SLIT3: variants seen among roughly 807,000 people sequenced by gnomAD.
The protein encoded by SLIT3 is slit guidance ligand 3.
In SLIT3, 68 loss-of-function variants were observed where a neutral mutation model predicts 184.0. That is an observed-to-expected ratio of 0.37 (90% CI 0.30 to 0.45). The LOEUF (loss-of-function observed/expected upper bound fraction) is 0.45, where lower values mean the gene tolerates loss of function less well. SLIT3 is among the 20% of genes least tolerant of loss of function. SLIT3 has a pLI of 1.00. For missense variants in SLIT3, 1,707 were observed against 2,026.0 expected (o/e 0.84, Z 3.02); for synonymous variants, 831 against 828.6 (o/e 1.00, Z -0.05).
intron 4 of SLIT3, among the ~76,000 whole-genome samples, chr5:169,118,889 T>G (rs968265012): frequency 7.9e-5 from 12 of 152,342 alleles, no homozygotes; most frequent in Admixed American, 5.9e-4. Flanking sequence ...ACATAATTTT[T>G]AATTTTTTTT....
At chr5:169,275,806 T>C (rs1268633687) in intron 1 of SLIT3, among the ~76,000 whole-genome samples, 2 of 151,948 alleles carry the variant, frequency 1.3e-5, no homozygotes, top group African/African-American at 4.8e-5. Context: ...ACAATTGAAG[T>C]TGAGATTTGA....
intron 23 of SLIT3, chr5:168,720,979 G>C (rs904611686): frequency 6.6e-6 from 1 of 152,166 alleles, no homozygotes; most frequent in Non-Finnish European, 1.5e-5. Context: ...CTGACTGCTA[G>C]ACCTTGGCCA....
In SLIT3 at chr5:168,813,313, GAAAA is replaced by G. The variant is rs34737518; in HGVS notation, c.793+3983_793+3986del. ...CCAAATAAACCCTTTAGATAAGGAT[GAAAA>G]AAAAAAAAAAAAACCAACAACTTGC... On this transcript the variant is annotated intron_variant, in intron 8 of 35. Transcript: ENST00000519560. 3.3e-3 allele frequency among the ~76,000 whole-genome samples: 439 copies of G among 135,048 alleles called. 6 individuals are homozygous for G. The highest frequency in any genetic ancestry group is 0.01 in the African/African-American group (382 of 37,550). The allele number at this position is 135,048 out of a possible 152,430, so 88.6% of individuals were successfully genotyped here. A position where few individuals can be genotyped will look rare whatever the true frequency, so the allele number is the denominator to read the frequency against.
chr5:168,678,449 C>T (rs530673630), intron 32 of SLIT3, among the ~76,000 whole-genome samples: 1 of 152,206 alleles, frequency 6.6e-6, no homozygotes, highest in South Asian at 2.1e-4. Context: ...TTTGGGAGGC[C>T]GAGGCGGGCG....
chr5:168,766,677 C>G (rs1755357299), intron 14 of SLIT3, among the ~76,000 whole-genome samples: 1 of 152,232 alleles, frequency 6.6e-6, no homozygotes, highest in African/African-American at 2.4e-5. Context: ...TATGGACCCA[C>G]TCCCAGAGGC....
At chr5:168,892,511 A>T (rs927796518) in intron 4 of SLIT3, among the ~76,000 whole-genome samples, 1 of 152,246 alleles carries the variant, frequency 6.6e-6, no homozygotes, top group African/African-American at 2.4e-5. Context: ...GGTTCTGAGT[A>T]TACAGATAGG....
chr5:169,297,505 A>G (rs1346601820), intron 1 of SLIT3, among the ~76,000 whole-genome samples: 1 of 152,186 alleles, frequency 6.6e-6, no homozygotes, highest in African/African-American at 2.4e-5. Context: ...TCCCTTCATC[A>G]AAGCCTTTTT....
intron 3 of SLIT3, among the ~76,000 whole-genome samples, chr5:169,203,612 G>A (rs1056552134): frequency 5.3e-5 from 8 of 152,064 alleles, no homozygotes; most frequent in African/African-American, 7.2e-5. Flanking sequence ...AGCTTTCCCC[G>A]GATCAGAGTT....
chr5:168,689,925 A>G (rs957739647), intron 29 of SLIT3, among the ~76,000 whole-genome samples: 5 of 152,248 alleles, frequency 3.3e-5, no homozygotes, highest in African/African-American at 1.2e-4. Context: ...CCTTTTCAAG[A>G]TAATGACATC....
intron 3 of SLIT3, among the ~76,000 whole-genome samples, chr5:169,230,932 T>A (rs1345980260): frequency 6.6e-6 from 1 of 152,204 alleles, no homozygotes; most frequent in African/African-American, 2.4e-5. Flanking sequence ...TATCCCTATA[T>A]CCACCACTTA....
chr5:169,097,804 C>T lies in SLIT3; in HGVS notation c.413+95675G>A, dbSNP rs917607806. ...AAAGGTCCCAGATGCTGCTTCTCAT[C>T]TGCCCTTTGTTAGGTCCAAACCCTG... On this transcript the variant is annotated intron_variant, in intron 4 of 35. Coordinates refer to ENST00000519560, the MANE Select transcript of SLIT3 (RefSeq NM_003062.4). 2.6e-5 allele frequency among the ~76,000 whole-genome samples: 4 copies of T among 152,158 alleles called. No homozygotes were observed. In the South Asian group the frequency reaches 6.2e-4, roughly 24 times the overall value.
chr5:168,697,444 G>C (rs1762096126), intron 27 of SLIT3, among the ~76,000 whole-genome samples: 1 of 152,202 alleles, frequency 6.6e-6, no homozygotes, highest in Non-Finnish European at 1.5e-5. Flanking sequence ...GGGGTGGAGT[G>C]AGCATCCATC....
At chr5:168,666,780 T>G in intron 35 of SLIT3, 91 bp from the exon 36 acceptor site, 5 of 1,584,254 alleles carry the variant, frequency 3.2e-6, no homozygotes, top group Non-Finnish European at 4.3e-6. Flanking sequence ...GAAATACTTG[T>G]GCTCTGAAGA....
chr5:169,134,708 C>T (rs1761435450), intron 4 of SLIT3, among the ~76,000 whole-genome samples: 1 of 152,126 alleles, frequency 6.6e-6, no homozygotes, highest in Non-Finnish European at 1.5e-5. Context: ...ATGTAACAAA[C>T]CTGCACGTTG....
chr5:168,821,458 G>A (rs549804305), intron 7 of SLIT3, among the ~76,000 whole-genome samples: 97 of 152,336 alleles, frequency 6.4e-4, no homozygotes, highest in Non-Finnish European at 1.1e-3. Context: ...TTGCCCAGAA[G>A]CCCTGGGTCC....
At chr5:168,990,488 A>G (rs1755282028) in intron 4 of SLIT3, among the ~76,000 whole-genome samples, 1 of 152,238 alleles carries the variant, frequency 6.6e-6, no homozygotes, top group Non-Finnish European at 1.5e-5. Context: ...CCTTAAAAGC[A>G]TTCTCTCAAA....
chr5:169,111,349 T>C (rs1203340971), intron 4 of SLIT3, among the ~76,000 whole-genome samples: 8 of 152,262 alleles, frequency 5.3e-5, no homozygotes, highest in Non-Finnish European at 1.0e-4. Context: ...TGATAAGCTG[T>C]GTCAGATGAT....
At chr5:169,259,566 C>T (rs1766093524) in intron 1 of SLIT3, among the ~76,000 whole-genome samples, 4 of 152,182 alleles carry the variant, frequency 2.6e-5, no homozygotes, top group Non-Finnish European at 5.9e-5. Context: ...TGAGTATTTA[C>T]AGAATACTGC....
intron 4 of SLIT3, among the ~76,000 whole-genome samples, chr5:168,907,021 C>T (rs966211172): frequency 2.0e-5 from 3 of 152,058 alleles, no homozygotes. Context: ...CCACCAAGCC[C>T]GGCTAATGTT....
Sources: gnomAD v4.1 joint callset for allele counts (sites outside exome capture counted in the v4.1 genomes callset) on GRCh38, gnomAD v4.1.1 for gene constraint, MANE v1.5 for transcripts, NCBI Gene and HGNC (gene_info 2026-07-23, HGNC 2026-07-21) for gene names.